Variants in LIPK observed in about 807,000 individuals in gnomAD.
LIPK encodes the protein lipase member K.
A neutral mutation model predicts 48.6 loss-of-function variants in LIPK; 32 were observed. The ratio of observed to expected loss-of-function variants is 0.66; its 90% confidence interval spans 0.50 to 0.88. The LOEUF (loss-of-function observed/expected upper bound fraction) is 0.88, where lower values mean the gene tolerates loss of function less well. Among genes scored for constraint, LIPK ranks in the 40% least tolerant of loss-of-function variants. The probability of loss-of-function intolerance (pLI) is 0.00; values close to 1 mark genes in which losing one functional copy is unlikely to be tolerated. For synonymous variants in LIPK, 164 were observed against 157.4 expected (o/e 1.04, Z -0.32); for missense variants, 507 against 478.5 (o/e 1.06, Z -0.56).
intron 8 of LIPK, among the ~76,000 whole-genome samples, chr10:88,740,624 G>A (rs60766092): frequency 0.051 from 7,797 of 152,312 alleles, 239 homozygotes; most frequent in African/African-American, 0.07. Context: ...CCTTGTGTGT[G>A]TGTGTGTCTT....
intron 1 of LIPK, among the ~76,000 whole-genome samples, chr10:88,716,104 C>T (rs303521): frequency 0.78 from 119,139 of 151,928 alleles, 47,679 homozygotes; most frequent in East Asian, 1. Flanking sequence ...ACATACATAA[C>T]GATTCGACTC....
intron 1 of LIPK, among the ~76,000 whole-genome samples, chr10:88,714,085 G>A (rs1194176753): frequency 6.6e-6 from 1 of 152,076 alleles, no homozygotes; most frequent in African/African-American, 2.4e-5. Flanking sequence ...GGTAAATGGA[G>A]GTGATAAGAA....
chr10:88,731,870 C>T (rs1238533984), intron 4 of LIPK, among the ~76,000 whole-genome samples: 7 of 152,156 alleles, frequency 4.6e-5, no homozygotes, highest in Admixed American at 6.5e-5. Flanking sequence ...ATAAGCATTC[C>T]AGGTAATTGC....
At chr10:88,741,907 G>A (rs1359649113) in intron 8 of LIPK, among the ~76,000 whole-genome samples, 1 of 152,132 alleles carries the variant, frequency 6.6e-6, no homozygotes, top group East Asian at 1.9e-4. Context: ...AGAGCTACCT[G>A]AGACTGGATA....
intron 7 of LIPK, 40 bp from the exon 8 acceptor site, chr10:88,739,956 G>T (rs2134767305): frequency 7.7e-7 from 1 of 1,301,358 alleles, no homozygotes; most frequent in South Asian, 1.3e-5. Context: ...GTGGTATGAT[G>T]ATATGATTAG....
chr10:88,747,408 G>A (rs1024333426), intron 9 of LIPK, among the ~76,000 whole-genome samples: 4 of 152,122 alleles, frequency 2.6e-5, no homozygotes. Context: ...ACATCAAAAA[G>A]CTAGTCCACA....
At position 88,752,700 on chromosome 10, in the gene LIPK, C is replaced by T; in HGVS notation, c.1144C>T (p.Pro382Ser). ...GGATTTTTACCTTGGAGAGGATGCA[C>T]CTCAGGAAATTTACCAAGACCTAAT... ...HVDFYLGEDAPQEIYQDLIIL... is the reference protein window; with the variant it reads ...HVDFYLGEDASQEIYQDLIIL... The change falls in exon 10 of 10, where the codon CCT (proline) becomes TCT (serine). Residue 382 changes from proline to serine, a missense_variant. Physicochemically the swap from Pro to Ser is moderately conservative, Grantham distance 74. Coordinates refer to ENST00000404190, the MANE Select transcript of LIPK (RefSeq NM_001080518.2). 6.4e-7 allele frequency: 1 copy of T among 1,572,924 alleles called. No homozygotes were observed. The highest frequency in any genetic ancestry group is 8.6e-7 in the Non-Finnish European group (1 of 1,156,184).
At chr10:88,740,543 T>G (rs1199169037) in intron 8 of LIPK, among the ~76,000 whole-genome samples, 2 of 152,238 alleles carry the variant, frequency 1.3e-5, no homozygotes, top group Non-Finnish European at 2.9e-5. Context: ...AAGTTTTATT[T>G]GTTTTATTTT....
intron 9 of LIPK, among the ~76,000 whole-genome samples, chr10:88,750,014 C>T (rs909633437): frequency 6.6e-6 from 1 of 152,102 alleles, no homozygotes; most frequent in Non-Finnish European, 1.5e-5. Flanking sequence ...ACAAACACTT[C>T]TCAAAAGAAG....
At position 88,731,167 on chromosome 10, in the gene LIPK, A is replaced by G. The variant is rs1228381125; in HGVS notation, c.408A>G (p.Glu136=). The change falls in exon 4 of 10, where the codon GAA becomes GAG. Residue 136 remains glutamate (E), a synonymous_variant. Coordinates refer to ENST00000404190, the MANE Select transcript of LIPK (RefSeq NM_001080518.2). ...KHLKLSPKSP[E]YWAFSLDEMA... ...TTAAATTGTCACCGAAATCACCGGA[A>G]TACTGGGCCTTCAGGTAAAGAGAAA... 8.9e-6 allele frequency: 14 copies of G among 1,568,482 alleles called. No homozygotes were observed. Among genetic ancestry groups the G allele is most frequent in the Non-Finnish European group, 1.1e-5 (13 of 1,160,418 alleles).
intron 6 of LIPK, among the ~76,000 whole-genome samples, chr10:88,734,220 C>G (rs1769892771): frequency 6.6e-6 from 1 of 152,122 alleles, no homozygotes; most frequent in Non-Finnish European, 1.5e-5. Flanking sequence ...AAAAATACTG[C>G]TAGCTGTTGG....
intron 3 of LIPK, chr10:88,728,140 T>C (rs922763588): frequency 1.8e-5 from 4 of 226,170 alleles, no homozygotes; most frequent in Admixed American, 5.1e-5. Context: ...ATGAACAACG[T>C]AGAATAAGTA....
At chr10:88,743,175 T>C in intron 8 of LIPK, 75 bp from the exon 9 acceptor site, 1 of 944,808 alleles carries the variant, frequency 1.1e-6, no homozygotes, top group Non-Finnish European at 1.6e-6. Flanking sequence ...TAATCTTCTT[T>C]GTATATTTCT....
intron 1 of LIPK, among the ~76,000 whole-genome samples, chr10:88,714,030 T>C (rs1225683118): frequency 6.6e-6 from 1 of 152,090 alleles, no homozygotes; most frequent in Non-Finnish European, 1.5e-5. Context: ...GTTGTTGTTG[T>C]TTTCTCTTTC....
intron 1 of LIPK, among the ~76,000 whole-genome samples, chr10:88,723,418 T>C (rs925128563): frequency 6.6e-6 from 1 of 152,162 alleles, no homozygotes; most frequent in Non-Finnish European, 1.5e-5. Context: ...TACTATACAA[T>C]AGCAAAACAG....
At chr10:88,715,421 T>C (rs976172537) in intron 1 of LIPK, among the ~76,000 whole-genome samples, 2 of 152,260 alleles carry the variant, frequency 1.3e-5, no homozygotes, top group Middle Eastern at 3.4e-3. Flanking sequence ...ATAATGTTCA[T>C]TGTCTTGAAG....
Position 88,724,564 on chromosome 10 carries a change from A to C in LIPK, c.21A>C (p.Ala7=). 6.2e-7 allele frequency: 1 copy of C among 1,608,142 alleles called. No homozygotes were observed. The highest frequency in any genetic ancestry group is 8.5e-7 in the Non-Finnish European group (1 of 1,177,836). The change falls in exon 2 of 10, where the codon GCA becomes GCC. Residue 7 remains alanine (A), a synonymous_variant. Coordinates refer to ENST00000404190, the MANE Select transcript of LIPK (RefSeq NM_001080518.2). The part of the protein sequence containing the change: MWQLLA[A]ACWMLLLGSM... ...CCCAAATGTGGCAGCTTTTAGCAGC[A>C]GCATGCTGGATGCTTCTTCTTGGAT...
intron 9 of LIPK, among the ~76,000 whole-genome samples, chr10:88,748,793 G>A (rs778451670): frequency 5.3e-5 from 8 of 152,128 alleles, no homozygotes; most frequent in Non-Finnish European, 7.4e-5. Flanking sequence ...CCTAGCCAGA[G>A]CAATCACACA....
intron 3 of LIPK, chr10:88,728,790 GC>G (rs1842401094): frequency 5.3e-6 from 1 of 188,712 alleles, no homozygotes; most frequent in Admixed American, 5.7e-5. Flanking sequence ...TTCCAGTCCA[GC>G]TTTGACTGTG....
Sources: gnomAD v4.1 joint callset for allele counts (sites outside exome capture counted in the v4.1 genomes callset) on GRCh38, gnomAD v4.1.1 for gene constraint, MANE v1.5 for transcripts, NCBI Gene and HGNC (gene_info 2026-07-23, HGNC 2026-07-21) for gene names.